KCNN2: variants seen among roughly 807,000 people sequenced by gnomAD.
KCNN2 encodes the protein potassium calcium-activated channel subfamily N member 2.
Under a neutral mutation model 55.5 loss-of-function variants are expected in KCNN2, and 24 were observed. The observed-to-expected ratio is 0.43, with a 90% CI of 0.31 to 0.61. The LOEUF (loss-of-function observed/expected upper bound fraction) is 0.61. Ranked by LOEUF, KCNN2 falls within the 20% of genes least tolerant of loss-of-function variation. The probability of loss-of-function intolerance (pLI) is 0.08; values close to 1 mark genes in which losing one functional copy is unlikely to be tolerated. For missense variants in KCNN2, 754 were observed against 853.6 expected (o/e 0.88, Z 1.45); for synonymous variants, 431 against 336.1 (o/e 1.28, Z -3.09).
intron 2 of KCNN2, among the ~76,000 whole-genome samples, chr5:114,280,565 C>T (rs1755603337): frequency 2.0e-5 from 3 of 152,092 alleles, no homozygotes; most frequent in Admixed American, 2.0e-4. Context: ...GTAATTCTTT[C>T]CCCATTTCTT....
chr5:114,376,685 A>G (rs1056032873), intron 2 of KCNN2, among the ~76,000 whole-genome samples: 1 of 152,158 alleles, frequency 6.6e-6, no homozygotes, highest in Non-Finnish European at 1.5e-5. Context: ...GGTCCAAGCT[A>G]TTGATGATTT....
chr5:114,477,635 C>T (rs1215071108), intron 5 of KCNN2, among the ~76,000 whole-genome samples: 3 of 152,094 alleles, frequency 2.0e-5, no homozygotes, highest in Admixed American at 6.5e-5. Context: ...TATCACCTTA[C>T]AGGGGCAATA....
chr5:114,395,738 C>G (rs946660398), intron 2 of KCNN2, among the ~76,000 whole-genome samples: 3 of 152,246 alleles, frequency 2.0e-5, no homozygotes, highest in African/African-American at 7.2e-5. Flanking sequence ...TACCACTGGA[C>G]AGTTTTTAAT....
upstream of KCNN2, among the ~76,000 whole-genome samples, chr5:114,359,562 T>G (rs1757365397): frequency 6.6e-6 from 1 of 152,212 alleles, no homozygotes; most frequent in African/African-American, 2.4e-5. Context: ...TTATTTTTCT[T>G]ATGACAGTTT....
At chr5:114,268,943 T>C (rs1561547390) in intron 2 of KCNN2, among the ~76,000 whole-genome samples, 1 of 150,834 alleles carries the variant, frequency 6.6e-6, no homozygotes, top group Non-Finnish European at 1.5e-5. Flanking sequence ...GTCTCGGGGG[T>C]GGGGGGGTTC....
At chr5:114,176,201 C>T (rs1753128401) in intron 1 of KCNN2, among the ~76,000 whole-genome samples, 1 of 152,162 alleles carries the variant, frequency 6.6e-6, no homozygotes, top group Non-Finnish European at 1.5e-5. Context: ...GATGCCAGTG[C>T]ACCCTTTCCC....
At chr5:114,468,231 C>T (rs1761546878) in intron 4 of KCNN2, among the ~76,000 whole-genome samples, 1 of 152,194 alleles carries the variant, frequency 6.6e-6, no homozygotes, top group Admixed American at 6.5e-5. Flanking sequence ...TGTAAAACTC[C>T]AATGGGATAT....
At chr5:114,224,074 C>G (rs1423110680) in intron 2 of KCNN2, among the ~76,000 whole-genome samples, 2 of 152,158 alleles carry the variant, frequency 1.3e-5, no homozygotes, top group African/African-American at 2.4e-5. Flanking sequence ...TTCTTTCTCT[C>G]TCTTCTAGCA....
At chr5:114,148,063 T>C (rs1421377358) in intron 1 of KCNN2, among the ~76,000 whole-genome samples, 2 of 152,194 alleles carry the variant, frequency 1.3e-5, no homozygotes, top group Admixed American at 6.5e-5. Context: ...AACTGGCAAA[T>C]AGTAGGACTG....
chr5:114,202,585 A>ATTT (rs34199170), intron 1 of KCNN2, among the ~76,000 whole-genome samples: 15,178 of 91,500 alleles, frequency 0.17, 2,019 homozygotes, highest in Non-Finnish European at 0.21. Flanking sequence ...ATATATATAT[A>ATTT]TTTTTTTTTT....
chr5:114,279,454 C>A (rs1205577580), intron 2 of KCNN2, among the ~76,000 whole-genome samples: 1 of 152,098 alleles, frequency 6.6e-6, no homozygotes, highest in Non-Finnish European at 1.5e-5. Flanking sequence ...TCCCTGCTCC[C>A]CCCACCCCAC....
chr5:114,258,834 A>G (rs953469148), intron 2 of KCNN2, among the ~76,000 whole-genome samples: 2 of 152,138 alleles, frequency 1.3e-5, no homozygotes, highest in South Asian at 4.1e-4. Context: ...TCAGCCTAAA[A>G]CACACAGCTT....
intron 2 of KCNN2, among the ~76,000 whole-genome samples, chr5:114,366,885 C>G (rs1480383233): frequency 6.6e-6 from 1 of 152,222 alleles, no homozygotes; most frequent in African/African-American, 2.4e-5. Flanking sequence ...TTGGATGTAG[C>G]ATATAATCTA....
rs190799149 is a variant in KCNN2 at position 114,181,986 on chromosome 5, C to G, written c.-270-39494C>G. Among the ~76,000 whole-genome samples, 470 of 151,152 alleles carry G rather than the reference C, an allele frequency of 3.1e-3. 4 individuals are homozygous for G. Among genetic ancestry groups the G allele is most frequent in the African/African-American group, 0.011 (452 of 41,100 alleles). ...CAGAGATCAAACCACTGCACTTCAGCCTGGGCAACAGAGGGAGAAGCTGTG... is the reference window on the plus strand; with the variant it reads ...CAGAGATCAAACCACTGCACTTCAGGCTGGGCAACAGAGGGAGAAGCTGTG... On this transcript the variant is annotated intron_variant, in intron 1 of 10. Transcript: ENST00000512097.
rs200185763 is a variant in KCNN2 at position 114,362,884 on chromosome 5, C to T, written c.745C>T (p.Pro249Ser). 175 of 1,598,296 alleles carry T rather than the reference C, an allele frequency of 1.1e-4. No individual in the cohort carries two copies. Among genetic ancestry groups the T allele is most frequent in the Admixed American group, 1.1e-3 (65 of 59,736 alleles). Reference sequence around the variant, plus strand: ...CTCAGAGGCGCAGCCCCTGCAGCCCCCCGCGTCTGTCGGAGGAGGTGGCGG... The same window carrying T: ...CTCAGAGGCGCAGCCCCTGCAGCCCTCCGCGTCTGTCGGAGGAGGTGGCGG... ...MDSEAQPLQPPASVGGGGGAS... is the reference protein window; with the variant it reads ...MDSEAQPLQPSASVGGGGGAS... Residue 249 changes from proline (P) to serine (S), a missense_variant, in exon 1 of 8, where the codon CCC becomes TCC. By Grantham distance (74) the Pro-to-Ser change is moderately conservative. Coordinates refer to ENST00000673685, the MANE Select transcript of KCNN2 (RefSeq NM_021614.4).
chr5:114,268,810 C>G (rs147635884), intron 2 of KCNN2, among the ~76,000 whole-genome samples: 1 of 152,242 alleles, frequency 6.6e-6, no homozygotes, highest in East Asian at 1.9e-4. Context: ...TCTTAGAGCT[C>G]AAGGTGAGAA....
At chr5:114,206,155 T>C (rs891393561) in intron 1 of KCNN2, among the ~76,000 whole-genome samples, 4 of 152,240 alleles carry the variant, frequency 2.6e-5, no homozygotes, top group Admixed American at 2.0e-4. Flanking sequence ...AAAATATGTC[T>C]AAAAGACTAC....
intron 3 of KCNN2, among the ~76,000 whole-genome samples, chr5:114,423,792 CAG>C (rs1444128087): frequency 7.2e-5 from 11 of 152,134 alleles, no homozygotes; most frequent in African/African-American, 2.7e-4. Flanking sequence ...TTTCAAAACT[CAG>C]GGGAAGACTT....
intron 1 of KCNN2, among the ~76,000 whole-genome samples, chr5:114,160,567 TTCTGTCTCGTTGA>T (rs1336510719): frequency 6.6e-6 from 1 of 152,166 alleles, no homozygotes; most frequent in African/African-American, 2.4e-5. Flanking sequence ...CTTTTTAACT[TTCTGTCTCGTTGA>T]TCTGTCTAAT....
Sources: gnomAD v4.1 joint callset for allele counts (sites outside exome capture counted in the v4.1 genomes callset) on GRCh38, gnomAD v4.1.1 for gene constraint, MANE v1.5 for transcripts, NCBI Gene and HGNC (gene_info 2026-07-23, HGNC 2026-07-21) for gene names.